The following CPS1 variants were observed in gnomAD, a reference collection of about 807,000 sequenced individuals.
CPS1 encodes the protein carbamoyl-phosphate synthase 1, also known as carbamoyl-phosphate synthase [ammonia], mitochondrial.
In CPS1, 109 loss-of-function variants were observed where a neutral mutation model predicts 174.6. That is an observed-to-expected ratio of 0.62 (90% confidence interval 0.53 to 0.73). The LOEUF is 0.73. CPS1 is among the 30% of genes least tolerant of loss of function. CPS1 has a pLI of 0.00. For missense variants in CPS1, 1,689 were observed against 1,821.9 expected (o/e 0.93, Z 1.33); for synonymous variants, 637 against 632.0 (o/e 1.01, Z -0.12).
In CPS1 at chr2:210,637,799, A is replaced by G. The variant is rs774003751; in HGVS notation, c.2785A>G (p.Arg929Gly). 3 of 1,614,008 alleles carry G rather than the reference A, an allele frequency of 1.9e-6. No homozygotes were observed. Among genetic ancestry groups the G allele is most frequent in the Non-Finnish European group, 1.7e-6 (2 of 1,179,908 alleles). ...CCTTGGGCTCACTGAGGCCCAGACA[A>G]GGGAGCTGAGGTTAAAGAAAAACAT... ...KCLGLTEAQT[R>G]ELRLKKNIHP... Residue 929 changes from arginine to glycine, a missense_variant, in exon 22 of 38, where the codon AGG becomes GGG. Coordinates refer to ENST00000233072, the MANE Select transcript of CPS1 (RefSeq NM_001875.5).
At chr2:210,503,489 T>A (rs1695200764) in intron 1 of CPS1, among the ~76,000 whole-genome samples, 1 of 152,218 alleles carries the variant, frequency 6.6e-6, no homozygotes, top group South Asian at 2.1e-4. Context: ...TCCCCTTCTC[T>A]GTGTCTTTCT....
chr2:210,637,506 C>A (rs1419831169), intron 21 of CPS1, among the ~76,000 whole-genome samples, 196 bp from the exon 22 acceptor site: 1 of 152,110 alleles, frequency 6.6e-6, no homozygotes, highest in Non-Finnish European at 1.5e-5. Context: ...AGATTGTCAG[C>A]TTTGCAAATA....
intron 16 of CPS1, 108 bp downstream of exon 16, chr2:210,602,438 A>C: frequency 7.4e-7 from 1 of 1,358,252 alleles, no homozygotes; most frequent in Non-Finnish European, 1.0e-6. Context: ...TCTTTATTAA[A>C]TCATGATCAT....
At chr2:210,648,604 T>G in intron 27 of CPS1, 64 bp downstream of exon 27, 5 of 1,207,640 alleles carry the variant, frequency 4.1e-6, no homozygotes, top group South Asian at 1.2e-5. Context: ...AAATGCATGC[T>G]GTATGCTAAT....
At chr2:210,535,337 A>G (rs779042340) in intron 1 of CPS1, among the ~76,000 whole-genome samples, 1 of 152,162 alleles carries the variant, frequency 6.6e-6, no homozygotes, top group Non-Finnish European at 1.5e-5. Flanking sequence ...GAATGATTCA[A>G]TAGGCTCAAT....
intron 1 of CPS1, among the ~76,000 whole-genome samples, chr2:210,565,757 G>A (rs1178780621): frequency 1.3e-5 from 2 of 152,090 alleles, no homozygotes; most frequent in African/African-American, 4.8e-5. Flanking sequence ...TTCAAATAAA[G>A]TGAATGTTCA....
upstream of CPS1, chr2:210,556,495 G>T (rs1241561639): frequency 1.6e-6 from 2 of 1,233,226 alleles, no homozygotes; most frequent in African/African-American, 3.0e-5. Flanking sequence ...TGCAATTTGT[G>T]TTACATGCCC....
chr2:210,564,007 C>T (rs1697196426), intron 1 of CPS1, among the ~76,000 whole-genome samples: 1 of 152,074 alleles, frequency 6.6e-6, no homozygotes, highest in African/African-American at 2.4e-5. Flanking sequence ...TATTTGTGGT[C>T]CCATAAAGTT....
Position 210,677,044 on chromosome 2 carries a change from C to A in CPS1, c.4312C>A (p.Leu1438Ile), listed in dbSNP as rs747499238. 9.9e-6 allele frequency: 16 copies of A among 1,613,722 alleles called. No homozygotes were observed. The Admixed American group carries it at 2.7e-4, about 27-fold the overall frequency. ...TGGCAGCATTGACCTAGTGATTAAC[C>A]TTCCCAACAACAACACTAAATTTGT... Reference protein sequence around the residue: ...RDGSIDLVINLPNNNTKFVHD... With the variant: ...RDGSIDLVINIPNNNTKFVHD... The change falls in exon 37 of 38, where the codon CTT becomes ATT. Residue 1438 changes from leucine (L) to isoleucine (I), a missense_variant. Transcript: ENST00000233072.
intron 1 of CPS1, among the ~76,000 whole-genome samples, chr2:210,561,235 T>A (rs1697090081): frequency 1.3e-5 from 2 of 152,130 alleles, no homozygotes; most frequent in Admixed American, 1.3e-4. Context: ...ATGCAAAATT[T>A]AAGGAGGCTG....
At chr2:210,491,632 T>C (rs1334881178) in intron 1 of CPS1, among the ~76,000 whole-genome samples, 1 of 152,056 alleles carries the variant, frequency 6.6e-6, no homozygotes, top group Non-Finnish European at 1.5e-5. Context: ...TTTTTCCTGG[T>C]GTTCTGAGTG....
chr2:210,494,357 T>C (rs2105954809), intron 1 of CPS1, among the ~76,000 whole-genome samples: 1 of 152,310 alleles, frequency 6.6e-6, no homozygotes. Flanking sequence ...GACTGTGACA[T>C]CCAATGGGAG....
chr2:210,611,716 T>C (rs1338499708), intron 19 of CPS1, among the ~76,000 whole-genome samples: 1 of 151,960 alleles, frequency 6.6e-6, no homozygotes, highest in East Asian at 1.9e-4. Context: ...AGTGTTAATA[T>C]ATTTCTGGTT....
intron 1 of CPS1, among the ~76,000 whole-genome samples, chr2:210,503,634 C>G (rs3845634): frequency 0.83 from 126,537 of 152,062 alleles, 53,548 homozygotes; most frequent in Middle Eastern, 0.91. Flanking sequence ...CCACCTTTGT[C>G]GTAGATAAAA....
Position 210,564,579 on chromosome 2 carries a change from T to G in CPS1, c.126+7720T>G, listed in dbSNP as rs920002805. ...TTTTAGTAGAGACGGGGTTTCACCG[T>G]GTTAGCCAGGATGGTCTCGATCTCC... On this transcript the variant is annotated intron_variant, in intron 1 of 37. Coordinates refer to ENST00000233072, the MANE Select transcript of CPS1 (RefSeq NM_001875.5). Among the ~76,000 whole-genome samples, 10 of 152,086 alleles carry G rather than the reference T, an allele frequency of 6.6e-5. 1 individual carries two copies. The South Asian group carries it at 2.1e-3, about 32-fold the overall frequency.
chr2:210,594,569 T>C lies in CPS1; in HGVS notation c.1226T>C (p.Val409Ala), dbSNP rs370342489. Reference protein sequence around the residue: ...KKGKATTITSVLPKPALVASR... With the variant: ...KKGKATTITSALPKPALVASR... ...GGAAAAGCTACCACCATTACATCAG[T>C]CTTACCGAAGCCAGCACTAGTTGCA... Residue 409 changes from valine to alanine, a missense_variant, in exon 12 of 38, where the codon GTC becomes GCC. Val to Ala is a moderately conservative substitution (Grantham distance 64). Coordinates refer to ENST00000233072, the MANE Select transcript of CPS1 (RefSeq NM_001875.5). The C allele has an allele frequency of 1.7e-5, 28 of 1,611,286 alleles. 1 individual carries two copies. In the African/African-American group the frequency reaches 2.4e-4, roughly 14 times the overall value.
At chr2:210,648,380 G>T (rs1700447695) in intron 26 of CPS1, 93 bp from the exon 27 acceptor site, 1 of 1,065,372 alleles carries the variant, frequency 9.4e-7, no homozygotes, top group Non-Finnish European at 1.4e-6. Context: ...GAATAAAGAA[G>T]CTGGGCTACC....
chr2:210,629,973 T>G (rs1203624657), intron 21 of CPS1, among the ~76,000 whole-genome samples: 1 of 151,576 alleles, frequency 6.6e-6, no homozygotes. Flanking sequence ...CTCGAGAGGC[T>G]GAGGCAGGAG....
intron 13 of CPS1, among the ~76,000 whole-genome samples, chr2:210,597,920 AG>A (rs1412699327): frequency 6.6e-6 from 1 of 151,882 alleles, no homozygotes; most frequent in African/African-American, 2.4e-5. Context: ...ATGTACAAAC[AG>A]TTGTATAATG....
Sources: allele counts gnomAD v4.1 joint callset (sites outside exome capture counted in the v4.1 genomes callset), GRCh38; gene constraint gnomAD v4.1.1; transcripts MANE v1.5; gene names NCBI Gene and HGNC (gene_info 2026-07-23, HGNC 2026-07-21).